The following PCSK6 variants were observed in gnomAD, a reference collection of about 807,000 sequenced individuals.
PCSK6 encodes paired basic amino acid cleaving enzyme 4.
A neutral mutation model predicts 123.3 loss-of-function variants in PCSK6; 85 were observed. The ratio of observed to expected loss-of-function variants is 0.69; its 90% CI spans 0.58 to 0.83. PCSK6 has a LOEUF of 0.83. PCSK6 is among the 40% of genes least tolerant of loss of function. PCSK6 has a pLI of 0.00. For synonymous variants in PCSK6, 508 were observed against 516.0 expected (o/e 0.98, Z 0.21); for missense variants, 1,191 against 1,282.3 (o/e 0.93, Z 1.09).
chr15:101,334,666 C>T (rs1185630019), intron 13 of PCSK6, among the ~76,000 whole-genome samples: 1 of 152,216 alleles, frequency 6.6e-6, no homozygotes, highest in Non-Finnish European at 1.5e-5. Flanking sequence ...GCTCTAGAGG[C>T]TATCATTTGA....
chr15:101,444,707 G>A (rs2056841415), intron 1 of PCSK6, among the ~76,000 whole-genome samples: 1 of 152,044 alleles, frequency 6.6e-6, no homozygotes, highest in African/African-American at 2.4e-5. Context: ...GTGTAAAATG[G>A]GGATAAAGGT....
intron 1 of PCSK6, among the ~76,000 whole-genome samples, chr15:101,480,070 A>C (rs545735339): frequency 1.2e-4 from 18 of 152,368 alleles, no homozygotes; most frequent in African/African-American, 4.3e-4. Flanking sequence ...GGTTCCTTGC[A>C]GGAACGTGAG....
In PCSK6 at chr15:101,329,730, A is replaced by G. The variant is rs143467432; in HGVS notation, c.2077+1921T>C. On this transcript the variant is annotated intron_variant, in intron 15 of 21. Coordinates refer to ENST00000611716, the MANE Select transcript of PCSK6 (RefSeq NM_002570.5). The stretch of plus-strand genomic sequence containing the variant: ...CTGTGTGGATGACCACAGTGTCCTG[A>G]GCTGATCTCAGCCCACTCAGCTTCC... Among the ~76,000 whole-genome samples the G allele has an allele frequency of 2.1e-3, 318 of 152,294 alleles. 4 individuals carry two copies. Among genetic ancestry groups the G allele is most frequent in the African/African-American group, 7.5e-3 (310 of 41,560 alleles).
rs369161841 is a variant in PCSK6, at chr15:101,382,053, C to T, written c.1532+39G>A. On this transcript the variant is annotated intron_variant, in intron 11 of 21. Coordinates refer to ENST00000611716, the MANE Select transcript of PCSK6 (RefSeq NM_002570.5). ...TACAACAGAGTCAGCTCCAAACCCA[C>T]GTGCCTGAGAAGTCACCGATGCCAC... 63 of 1,419,004 alleles carry T rather than the reference C, an allele frequency of 4.4e-5. No homozygotes were observed. In the African/African-American group the frequency reaches 7.5e-4, roughly 17 times the overall value. 87.9% of individuals were successfully genotyped at this position (1,419,004 alleles called of 1,614,324 possible).
chr15:101,369,567 T>C (rs1220040741), intron 12 of PCSK6, among the ~76,000 whole-genome samples: 1 of 152,212 alleles, frequency 6.6e-6, no homozygotes, highest in African/African-American at 2.4e-5. Flanking sequence ...TGCTGATTTG[T>C]CCATGAAATT....
chr15:101,342,471 G>C (rs1234350195), intron 13 of PCSK6, among the ~76,000 whole-genome samples: 1 of 152,214 alleles, frequency 6.6e-6, no homozygotes, highest in Non-Finnish European at 1.5e-5. Context: ...AAGAGGAACA[G>C]AGTATTTCAT....
chr15:101,364,523 C>A (rs552684486), intron 13 of PCSK6, among the ~76,000 whole-genome samples: 1 of 151,942 alleles, frequency 6.6e-6, no homozygotes, highest in African/African-American at 2.4e-5. Context: ...AATAAACAAT[C>A]CAAAAGAAAA....
chr15:101,362,936 T>C (rs1456934417), intron 13 of PCSK6, among the ~76,000 whole-genome samples: 1 of 152,092 alleles, frequency 6.6e-6, no homozygotes, highest in African/African-American at 2.4e-5. Context: ...GATGGGACCA[T>C]AGGCTTGGGC....
intron 21 of PCSK6, among the ~76,000 whole-genome samples, chr15:101,306,340 C>G (rs930733038): frequency 1.2e-4 from 18 of 151,980 alleles, no homozygotes; most frequent in Admixed American, 3.3e-4. Context: ...AATTAGACAA[C>G]CCTCCCGCCA....
At chr15:101,410,595 G>T (rs28683643) in intron 6 of PCSK6, among the ~76,000 whole-genome samples, 4,575 of 152,240 alleles carry the variant, frequency 0.03, 223 homozygotes, top group African/African-American at 0.1. Context: ...TGCTTGGAAG[G>T]AATCAGAATT....
At chr15:101,345,227 T>G (rs770517678) in intron 13 of PCSK6, among the ~76,000 whole-genome samples, 1 of 152,206 alleles carries the variant, frequency 6.6e-6, no homozygotes, top group Non-Finnish European at 1.5e-5. Context: ...TTAAAATTCT[T>G]TTCTGTGGGA....
chr15:101,335,113 C>A lies in PCSK6; in HGVS notation c.1859-3082G>T, dbSNP rs147483369. The stretch of plus-strand genomic sequence containing the variant: ...TGGCTAGGACTACAGGTGTGCACCA[C>A]CACGCCCGGCTACTTTTTGTATTTT... On this transcript the variant is annotated intron_variant, in intron 13 of 21. Transcript: ENST00000611716. 7.1e-4 allele frequency among the ~76,000 whole-genome samples: 108 copies of A among 152,266 alleles called. 5 individuals are homozygous for A. The East Asian group carries it at 0.02, about 28-fold the overall frequency.
In PCSK6 at chr15:101,398,371, A is replaced by T; in HGVS notation, c.996+33T>A. 1.3e-6 allele frequency: 2 copies of T among 1,578,450 alleles called. No homozygotes were observed. The highest frequency in any genetic ancestry group is 1.7e-6 in the Non-Finnish European group (2 of 1,156,958). Reference sequence around the variant, plus strand: ...AAATGTTTACTGTCACCCTTGTCCCAGAGCGCTCCCCTGTAGCCCTGGTTA... The same window carrying T: ...AAATGTTTACTGTCACCCTTGTCCCTGAGCGCTCCCCTGTAGCCCTGGTTA... On this transcript the variant is annotated intron_variant, in intron 7 of 21. Coordinates refer to ENST00000611716, the MANE Select transcript of PCSK6 (RefSeq NM_002570.5). This position sits in a 1 kb window ranked among gnomAD's most constrained non-coding sequence, Gnocchi z 4.6.
intron 17 of PCSK6, among the ~76,000 whole-genome samples, chr15:101,323,584 T>C (rs899181850): frequency 1.3e-5 from 2 of 152,048 alleles, no homozygotes; most frequent in African/African-American, 4.8e-5. Context: ...TACAAAAAAA[T>C]TAGCCGGGCG....
At chr15:101,391,527 G>A (rs1353978851) in intron 8 of PCSK6, among the ~76,000 whole-genome samples, 1 of 152,212 alleles carries the variant, frequency 6.6e-6, no homozygotes, top group African/African-American at 2.4e-5. Context: ...ATACCCTCTT[G>A]TTCTGGTGAG....
chr15:101,431,682 C>T (rs971928156), intron 3 of PCSK6, among the ~76,000 whole-genome samples: 5 of 152,214 alleles, frequency 3.3e-5, no homozygotes, highest in Admixed American at 3.3e-4. Context: ...TATATTTTCC[C>T]AGGGCATCGC....
In PCSK6 at chr15:101,331,703, A is replaced by C; in HGVS notation, c.2039-14T>G. 1 of 1,609,988 alleles carries C rather than the reference A, an allele frequency of 6.2e-7. No homozygotes were observed. Among genetic ancestry groups the C allele is most frequent in the Non-Finnish European group, 8.5e-7 (1 of 1,178,924 alleles). ...GGGTGGATTGAGCTGTGTGAGTGCA[A>C]ATTGCCATGATTATTATGACTCCCA... On this transcript the variant is annotated splice_polypyrimidine_tract_variant and intron_variant, in intron 14 of 21. Coordinates refer to ENST00000611716, the MANE Select transcript of PCSK6 (RefSeq NM_002570.5).
chr15:101,437,124 C>T (rs180881599), intron 2 of PCSK6, among the ~76,000 whole-genome samples: 1 of 152,312 alleles, frequency 6.6e-6, no homozygotes, highest in African/African-American at 2.4e-5. Context: ...TTCAAAGGGG[C>T]CTGTGATTCC....
intron 1 of PCSK6, among the ~76,000 whole-genome samples, chr15:101,460,757 T>A (rs2057322993): frequency 6.6e-6 from 1 of 152,148 alleles, no homozygotes; most frequent in South Asian, 2.1e-4. Context: ...ACTAAACATG[T>A]CACACATTTG....
Sources: gnomAD v4.1 joint callset for allele counts (sites outside exome capture counted in the v4.1 genomes callset) on GRCh38, gnomAD v4.1.1 for gene constraint, Gnocchi (gnomAD v3.1) non-coding constraint, MANE v1.5 for transcripts, NCBI Gene and HGNC (gene_info 2026-07-23, HGNC 2026-07-21) for gene names.